Variants in EMSY observed in about 807,000 individuals in gnomAD.
The protein encoded by EMSY is EMSY transcriptional repressor, BRCA2 interacting.
Under a neutral mutation model 134.6 loss-of-function variants are expected in EMSY, and 26 were observed. The observed-to-expected ratio is 0.19, with a 90% CI of 0.14 to 0.27. The LOEUF (loss-of-function observed/expected upper bound fraction) is 0.27, where lower values mean the gene tolerates loss of function less well. EMSY is among the 10% of genes least tolerant of loss of function. EMSY has a pLI of 1.00. For synonymous variants in EMSY, 579 were observed against 577.8 expected (o/e 1.00, Z -0.03); for missense variants, 1,305 against 1,611.4 (o/e 0.81, Z 3.26).
At chr11:76,530,229 G>A (rs1022632392) in intron 14 of EMSY, among the ~76,000 whole-genome samples, 8 of 140,872 alleles carry the variant, frequency 5.7e-5, no homozygotes, top group Non-Finnish European at 1.2e-4. Context: ...GCGTGATCTC[G>A]GCTCACTGCA....
chr11:76,477,422 C>T (rs1221297433), intron 8 of EMSY, among the ~76,000 whole-genome samples: 1 of 151,812 alleles, frequency 6.6e-6, no homozygotes, highest in Non-Finnish European at 1.5e-5. Flanking sequence ...TTATCTATGA[C>T]TCCAACAGTC....
rs372501861 is a variant in EMSY at position 76,508,064 on chromosome 11, T to G, written c.1364-5322T>G. 7.0e-4 allele frequency among the ~76,000 whole-genome samples: 107 copies of G among 151,922 alleles called. 4 individuals are homozygous for G. In the South Asian group the frequency reaches 0.021, roughly 30 times the overall value. ...TAAAAAAATTTTTGTAGAGACAGGG[T>G]CTCACCATGTTGCCCAGACTGGTCT... On this transcript the variant is annotated intron_variant, in intron 9 of 20. Coordinates refer to ENST00000334736, the Ensembl canonical transcript of EMSY.
chr11:76,462,414 G>C (rs898642896), intron 6 of EMSY, among the ~76,000 whole-genome samples: 2 of 152,206 alleles, frequency 1.3e-5, no homozygotes, highest in African/African-American at 4.8e-5. Flanking sequence ...CTTTGTATGT[G>C]CAAGGCACTA....
chr11:76,544,577 G>A (rs2136762520), exon 19 of EMSY: 1 of 1,614,042 alleles, frequency 6.2e-7, no homozygotes, highest in Non-Finnish European at 8.5e-7. Flanking sequence ...TCTCCAGCAA[G>A]AACAAGCACA....
At chr11:76,472,716 C>G (rs551616019) in exon 8 of EMSY, 1 of 1,614,184 alleles carries the variant, frequency 6.2e-7, no homozygotes, top group Admixed American at 1.7e-5. Context: ...CTTCACAGTC[C>G]TCTCTGGTCA....
rs1950715566 is a variant in EMSY at position 76,523,345 on chromosome 11, A to G, written c.1821+54A>G. On this transcript the variant is annotated intron_variant, in intron 12 of 20. Transcript: ENST00000334736. The stretch of plus-strand genomic sequence containing the variant: ...GCAATTCACAGAGGATTTAAAGACC[A>G]GCTATATAAATATTTGCACAAGGAC... 9 of 1,562,648 alleles carry G rather than the reference A, an allele frequency of 5.8e-6. No homozygotes were observed. In the South Asian group the frequency reaches 8.5e-5, roughly 15 times the overall value.
At chr11:76,542,753 G>GTTTTTT (rs1555077830) in intron 18 of EMSY, among the ~76,000 whole-genome samples, 5 of 109,244 alleles carry the variant, frequency 4.6e-5, no homozygotes, top group East Asian at 2.6e-4. Context: ...TTCGTTTTTT[G>GTTTTTT]TTTTTTTTTT....
In EMSY at chr11:76,490,851, AGG is replaced by A. The variant is rs74448151; in HGVS notation, c.1109-5360_1109-5359del. On this transcript the variant is annotated intron_variant, in intron 8 of 20. Transcript: ENST00000334736. Reference sequence around the variant, plus strand: ...CTGGGTTCTGGATATGTTCATTGCTAGGGGGTGTGTGTGTGTGTGTGTGTGTG... The same window carrying A: ...CTGGGTTCTGGATATGTTCATTGCTAGGGTGTGTGTGTGTGTGTGTGTGTG... Among the ~76,000 whole-genome samples the A allele has an allele frequency of 2.3e-3, 349 of 150,350 alleles. 2 individuals carry two copies. Among genetic ancestry groups the A allele is most frequent in the South Asian group, 5.5e-3 (26 of 4,770 alleles).
In EMSY at chr11:76,528,330, G is replaced by A. The variant is rs1403478678; in HGVS notation, c.2058G>A (p.Gln686=). 3.1e-6 allele frequency: 5 copies of A among 1,613,520 alleles called. No homozygotes were observed. In the Admixed American group the frequency reaches 5.0e-5, roughly 16 times the overall value. ...CAGTTGTTAGTGAACAAACAAGACAGCTAGTAACAGAAACATTACAGCAAG... is the reference window on the plus strand; with the variant it reads ...CAGTTGTTAGTGAACAAACAAGACAACTAGTAACAGAAACATTACAGCAAG... Residue 686 remains glutamine (Q), a synonymous_variant, in exon 14 of 21, where the codon CAG becomes CAA. Transcript: ENST00000334736.
chr11:76,460,354 G>C (rs1278684204), intron 6 of EMSY: 1 of 293,844 alleles, frequency 3.4e-6, no homozygotes, highest in African/African-American at 2.1e-5. Flanking sequence ...TCACTTTTTT[G>C]ATTGTCATGA....
chr11:76,454,821 T>G (rs1947805458), intron 4 of EMSY, 31 bp downstream of exon 5: 1 of 1,392,444 alleles, frequency 7.2e-7, no homozygotes, highest in African/African-American at 1.5e-5. Context: ...TATTTCAGGC[T>G]TTTTCTTGTA....
intron 7 of EMSY, 116 bp from the exon 9 acceptor site, chr11:76,472,448 T>G: frequency 1.0e-6 from 1 of 993,766 alleles, no homozygotes; most frequent in Non-Finnish European, 1.4e-6. Flanking sequence ...TATTCTCTGT[T>G]GAATTGCTTC....
chr11:76,524,365 C>A (rs535243722), intron 12 of EMSY, among the ~76,000 whole-genome samples: 31 of 152,216 alleles, frequency 2.0e-4, no homozygotes, highest in Admixed American at 7.2e-4. Flanking sequence ...TTGTTAGTGT[C>A]CCTACCTTGC....
At chr11:76,453,526 A>G in intron 4 of EMSY, 138 bp downstream of exon 4, 1 of 706,968 alleles carries the variant, frequency 1.4e-6, no homozygotes. Context: ...TGATCATAGC[A>G]GTAAAAGTGA....
intron 8 of EMSY, among the ~76,000 whole-genome samples, chr11:76,485,176 G>A (rs1440357243): frequency 3.9e-5 from 6 of 152,120 alleles, no homozygotes; most frequent in Non-Finnish European, 8.8e-5. Context: ...GAAAAAGAGA[G>A]ACTCCTTCCT....
At chr11:76,488,730 T>C (rs1949294756) in intron 8 of EMSY, among the ~76,000 whole-genome samples, 2 of 152,232 alleles carry the variant, frequency 1.3e-5, no homozygotes, top group Admixed American at 1.3e-4. Flanking sequence ...AGTTAGGCAT[T>C]AGCTCATTTG....
At chr11:76,448,353 T>C (rs1201390310) in intron 2 of EMSY, among the ~76,000 whole-genome samples, 4 of 151,988 alleles carry the variant, frequency 2.6e-5, no homozygotes, top group Admixed American at 2.0e-4. Flanking sequence ...ACCAAACTTT[T>C]AGTCCTAATC....
At chr11:76,453,905 AT>A (rs1446772678) in intron 4 of EMSY, 5 of 152,230 alleles carry the variant, frequency 3.3e-5, no homozygotes, top group Non-Finnish European at 5.9e-5. Context: ...AGCCAAAAAA[AT>A]AAAACGATTA....
chr11:76,546,266 C>T (rs1411581662), exon 20 of EMSY: 1 of 1,612,824 alleles, frequency 6.2e-7, no homozygotes, highest in Non-Finnish European at 8.5e-7. Context: ...CAAAAGAAAG[C>T]TGAAGAGAGT....
Sources: allele counts gnomAD v4.1 joint callset (sites outside exome capture counted in the v4.1 genomes callset), GRCh38; gene constraint gnomAD v4.1.1; transcripts MANE v1.5; gene names NCBI Gene and HGNC (gene_info 2026-07-23, HGNC 2026-07-21).